TECRL: variants seen among roughly 807,000 people sequenced by gnomAD.
TECRL encodes trans-2,3-enoyl-CoA reductase like.
A neutral mutation model predicts 52.8 loss-of-function variants in TECRL; 63 were observed. The ratio of observed to expected loss-of-function variants is 1.19; its 90% CI spans 0.97 to 1.47. The LOEUF is 1.47. TECRL is among the 40% of genes most tolerant of loss of function. The probability of loss-of-function intolerance (pLI) is 0.00; values close to 1 mark genes in which losing one functional copy is unlikely to be tolerated. For synonymous variants in TECRL, 164 were observed against 141.9 expected (o/e 1.16, Z -1.10); for missense variants, 482 against 429.6 (o/e 1.12, Z -1.08).
intron 3 of TECRL, among the ~76,000 whole-genome samples, 160 bp downstream of exon 3, chr4:64,328,352 A>G (rs878910630): frequency 6.6e-6 from 1 of 151,998 alleles, no homozygotes; most frequent in South Asian, 2.1e-4. Context: ...ATTTGAGACT[A>G]AATTATTCAT....
intron 8 of TECRL, among the ~76,000 whole-genome samples, chr4:64,295,914 CA>C (rs1248300397): frequency 6.6e-6 from 1 of 151,734 alleles, no homozygotes; most frequent in Non-Finnish European, 1.5e-5. Flanking sequence ...TAGTGATCCC[CA>C]AAAATTTAAG....
At chr4:64,366,148 T>C (rs2109636853) in intron 2 of TECRL, among the ~76,000 whole-genome samples, 1 of 152,182 alleles carries the variant, frequency 6.6e-6, no homozygotes, top group South Asian at 2.1e-4. Context: ...GACTCCCCAT[T>C]CAATAAACGG....
At chr4:64,314,953 T>G (rs759699422) in intron 4 of TECRL, among the ~76,000 whole-genome samples, 190 bp from the exon 5 acceptor site, 7 of 152,220 alleles carry the variant, frequency 4.6e-5, no homozygotes, top group African/African-American at 1.2e-4. Context: ...TATGTATAGT[T>G]AATTTGGAAT....
At chr4:64,400,725 T>A (rs1724296008) in intron 1 of TECRL, among the ~76,000 whole-genome samples, 1 of 152,090 alleles carries the variant, frequency 6.6e-6, no homozygotes, top group African/African-American at 2.4e-5. Flanking sequence ...ATCTCCCCTC[T>A]CTTCCTCTTT....
At chr4:64,403,475 G>GTGCACACA (rs1553923025) in intron 1 of TECRL, among the ~76,000 whole-genome samples, 50 of 148,344 alleles carry the variant, frequency 3.4e-4, no homozygotes, top group Admixed American at 2.3e-3. Context: ...CTCCCTGAGC[G>GTGCACACA]CACACACACA....
intron 1 of TECRL, among the ~76,000 whole-genome samples, chr4:64,383,875 G>A (rs149489635): frequency 6.6e-6 from 1 of 151,558 alleles, no homozygotes; most frequent in Non-Finnish European, 1.5e-5. Flanking sequence ...TTTATGGATT[G>A]GCTTTCATGG....
At chr4:64,385,870 C>A (rs1023008423) in intron 1 of TECRL, among the ~76,000 whole-genome samples, 6 of 152,092 alleles carry the variant, frequency 3.9e-5, no homozygotes, top group African/African-American at 1.2e-4. Context: ...AAATGTGTAC[C>A]ATTGGGAAAC....
chr4:64,309,408 T>C (rs539914155), intron 6 of TECRL, among the ~76,000 whole-genome samples: 11 of 152,300 alleles, frequency 7.2e-5, no homozygotes, highest in African/African-American at 1.9e-4. Context: ...TCACAATTTC[T>C]AGAAGAGCAA....
At chr4:64,392,118 C>T (rs1723587099) in intron 1 of TECRL, among the ~76,000 whole-genome samples, 1 of 151,860 alleles carries the variant, frequency 6.6e-6, no homozygotes, top group African/African-American at 2.4e-5. Context: ...AAGCAGAAGT[C>T]ATCTGCAACA....
intron 9 of TECRL, among the ~76,000 whole-genome samples, chr4:64,283,687 C>G (rs984932191): frequency 2.0e-5 from 3 of 151,918 alleles, no homozygotes; most frequent in Non-Finnish European, 4.4e-5. Context: ...AGGAACAGGT[C>G]CAGGTCTTAA....
chr4:64,298,371 A>G (rs903450253), intron 8 of TECRL, among the ~76,000 whole-genome samples: 2 of 151,182 alleles, frequency 1.3e-5, no homozygotes, highest in Non-Finnish European at 3.0e-5. Context: ...TGATATGTGA[A>G]GACGAAAAAC....
intron 8 of TECRL, among the ~76,000 whole-genome samples, chr4:64,296,567 A>T (rs185645577): frequency 6.6e-6 from 1 of 151,946 alleles, no homozygotes; most frequent in East Asian, 1.9e-4. Flanking sequence ...AGACATTAAG[A>T]AAGGCTAGAA....
chr4:64,356,029 A>G (rs1720746568), intron 2 of TECRL, among the ~76,000 whole-genome samples: 1 of 151,966 alleles, frequency 6.6e-6, no homozygotes, highest in Admixed American at 6.6e-5. Flanking sequence ...GCTCACAAAA[A>G]CATGTGTTGT....
intron 5 of TECRL, among the ~76,000 whole-genome samples, chr4:64,312,596 T>TA (rs1467534216): frequency 6.6e-6 from 1 of 151,960 alleles, no homozygotes; most frequent in Non-Finnish European, 1.5e-5. Flanking sequence ...ACTTCATCTC[T>TA]AAAATTTTTT....
intron 2 of TECRL, 63 bp from the exon 3 acceptor site, chr4:64,328,619 C>A: frequency 7.1e-7 from 1 of 1,410,258 alleles, no homozygotes. Context: ...ATAAAACTAA[C>A]TGTTTCCATG....
chr4:64,328,693 T>C (rs140601429), intron 2 of TECRL, 137 bp from the exon 3 acceptor site: 15 of 682,238 alleles, frequency 2.2e-5, no homozygotes, highest in African/African-American at 1.8e-4. Flanking sequence ...ATAGAAATAG[T>C]GGTTACCTTT....
At chr4:64,392,084 C>T (rs2109749488) in intron 1 of TECRL, among the ~76,000 whole-genome samples, 1 of 151,946 alleles carries the variant, frequency 6.6e-6, no homozygotes, top group Middle Eastern at 3.4e-3. Context: ...CTGCATTCTC[C>T]TCACTTTAGA....
chr4:64,402,529 C>T (rs545482500), intron 1 of TECRL, among the ~76,000 whole-genome samples: 13 of 151,768 alleles, frequency 8.6e-5, no homozygotes, highest in Non-Finnish European at 1.8e-4. Context: ...TATAGGAGAC[C>T]CTAAGTGGCA....
Position 64,393,908 on chromosome 4 carries a change from AT to A in TECRL, c.234+15209del, listed in dbSNP as rs1723731027. Among the ~76,000 whole-genome samples the A allele has an allele frequency of 2.0e-5, 3 of 152,068 alleles. No individual in the cohort carries two copies. The South Asian group carries it at 6.2e-4, about 31-fold the overall frequency. ...AGCTAGCTAGCTAGATAAAAATAAA[AT>A]GTTACATACATATTTTAAGCATTGT... On this transcript the variant is annotated intron_variant, in intron 1 of 11. Coordinates refer to ENST00000381210, the MANE Select transcript of TECRL (RefSeq NM_001010874.5).
Sources: gnomAD v4.1 joint callset for allele counts (sites outside exome capture counted in the v4.1 genomes callset) on GRCh38, gnomAD v4.1.1 for gene constraint, MANE v1.5 for transcripts, NCBI Gene and HGNC (gene_info 2026-07-23, HGNC 2026-07-21) for gene names.